The following ZNF804B variants were observed in gnomAD, a reference collection of about 807,000 sequenced individuals.
ZNF804B encodes zinc finger 804B.
Under a neutral mutation model 101.4 loss-of-function variants are expected in ZNF804B, and 80 were observed. The ratio of observed to expected loss-of-function variants is 0.79; its 90% CI spans 0.66 to 0.95. The LOEUF (loss-of-function observed/expected upper bound fraction) is 0.95, where lower values mean the gene tolerates loss of function less well. ZNF804B is among the 40% of genes least tolerant of loss of function. ZNF804B has a pLI of 0.00. For missense variants in ZNF804B, 1,673 were observed against 1,561.9 expected (o/e 1.07, Z -1.20); for synonymous variants, 622 against 558.8 (o/e 1.11, Z -1.59).
chr7:89,320,522 AT>A (rs1790803251), intron 2 of ZNF804B, among the ~76,000 whole-genome samples: 1 of 152,246 alleles, frequency 6.6e-6, no homozygotes, highest in Admixed American at 6.5e-5. Context: ...AGCACTTGTG[AT>A]ATTTAGCACA....
intron 1 of ZNF804B, among the ~76,000 whole-genome samples, chr7:89,128,610 T>A (rs1243331694): frequency 1.3e-5 from 2 of 152,004 alleles, no homozygotes; most frequent in African/African-American, 4.8e-5. Context: ...TATCAGCCAT[T>A]CTTTTGCTGT....
chr7:89,257,803 C>T (rs1027228517), intron 2 of ZNF804B, among the ~76,000 whole-genome samples: 1 of 152,064 alleles, frequency 6.6e-6, no homozygotes, highest in African/African-American at 2.4e-5. Flanking sequence ...CTGTTATTCC[C>T]TTCTTGTGTT....
At chr7:88,924,546 C>T (rs960950097) in intron 1 of ZNF804B, among the ~76,000 whole-genome samples, 1 of 152,080 alleles carries the variant, frequency 6.6e-6, no homozygotes. Flanking sequence ...TACCTCTATA[C>T]CCCCTGCATT....
intron 2 of ZNF804B, among the ~76,000 whole-genome samples, chr7:89,285,882 C>A (rs1213203692): frequency 6.9e-6 from 1 of 144,186 alleles, no homozygotes; most frequent in Non-Finnish European, 1.5e-5. Context: ...CCTCTTTTGC[C>A]TCTGTCACCC....
At chr7:89,150,158 C>G (rs1790851578) in intron 1 of ZNF804B, among the ~76,000 whole-genome samples, 1 of 151,966 alleles carries the variant, frequency 6.6e-6, no homozygotes. Flanking sequence ...GTTACCTGGC[C>G]TATTCAGCTG....
At chr7:88,792,948 C>G (rs1790402205) in intron 1 of ZNF804B, among the ~76,000 whole-genome samples, 1 of 151,448 alleles carries the variant, frequency 6.6e-6, no homozygotes, top group Non-Finnish European at 1.5e-5. Flanking sequence ...TTGTTACATA[C>G]AATTTGGTCA....
At chr7:89,025,773 A>G (rs565823225) in intron 1 of ZNF804B, among the ~76,000 whole-genome samples, 1 of 152,094 alleles carries the variant, frequency 6.6e-6, no homozygotes, top group African/African-American at 2.4e-5. Flanking sequence ...TTTTGTTTCC[A>G]CAGTGATTCA....
chr7:88,828,398 T>G (rs533689824), intron 1 of ZNF804B, among the ~76,000 whole-genome samples: 1 of 152,162 alleles, frequency 6.6e-6, no homozygotes, highest in South Asian at 2.1e-4. Flanking sequence ...TTCCTTCAGT[T>G]TAAGTGGAAG....
At chr7:89,175,134 G>GTTTGTGGGGTATTA (rs1554373811) in intron 1 of ZNF804B, among the ~76,000 whole-genome samples, 1 of 151,688 alleles carries the variant, frequency 6.6e-6, no homozygotes, top group African/African-American at 2.4e-5. Context: ...GGTTGCCTGT[G>GTTTGTGGGGTATTA]CTCAATAAAT....
At chr7:88,967,416 C>G (rs1336949022) in intron 1 of ZNF804B, among the ~76,000 whole-genome samples, 2 of 151,570 alleles carry the variant, frequency 1.3e-5, no homozygotes, top group East Asian at 3.9e-4. Flanking sequence ...CAATCATGTC[C>G]TACCAGGTCC....
intron 1 of ZNF804B, among the ~76,000 whole-genome samples, chr7:88,886,582 A>G (rs1248016285): frequency 6.6e-6 from 1 of 152,052 alleles, no homozygotes. Flanking sequence ...TATAACTAAT[A>G]ATGCATTATT....
intron 1 of ZNF804B, among the ~76,000 whole-genome samples, chr7:88,900,190 A>G (rs1046873076): frequency 2.0e-5 from 3 of 152,124 alleles, no homozygotes; most frequent in African/African-American, 7.2e-5. Flanking sequence ...AATTCATATG[A>G]TACAGCAATA....
intron 1 of ZNF804B, among the ~76,000 whole-genome samples, chr7:88,950,898 A>T (rs1793208209): frequency 6.8e-6 from 1 of 147,838 alleles, no homozygotes; most frequent in African/African-American, 2.5e-5. Flanking sequence ...GAACCTTAAA[A>T]GCCTCAAGAA....
rs760349578 is a variant in ZNF804B, at chr7:88,949,030, G to A, written c.108+188946G>A. Among the ~76,000 whole-genome samples, 7 of 151,026 alleles carry A rather than the reference G, an allele frequency of 4.6e-5. No homozygotes were observed. In the East Asian group the frequency reaches 5.9e-4, roughly 13 times the overall value. On this transcript the variant is annotated intron_variant, in intron 1 of 3. Transcript: ENST00000333190. ...TATGTGAAGTATGAGTTGAGAAAGC[G>A]TTGGTGTGTTTTTTTTTTAAATTAA...
chr7:88,845,287 GCGCGCA>G (rs1300012348), intron 1 of ZNF804B, among the ~76,000 whole-genome samples: 3 of 115,260 alleles, frequency 2.6e-5, no homozygotes, highest in Admixed American at 9.1e-5. Context: ...GCGCACGCGC[GCGCGCA>G]CGCGCGCGCA....
intron 1 of ZNF804B, among the ~76,000 whole-genome samples, chr7:89,085,817 T>C (rs1233014435): frequency 6.6e-6 from 1 of 152,004 alleles, no homozygotes; most frequent in African/African-American, 2.4e-5. Flanking sequence ...AATGGCTTTA[T>C]CATTTGGATT....
intron 1 of ZNF804B, among the ~76,000 whole-genome samples, chr7:89,041,479 G>A (rs1346354981): frequency 6.6e-6 from 1 of 152,066 alleles, no homozygotes; most frequent in African/African-American, 2.4e-5. Context: ...GGAGCCTGAG[G>A]CCATGAGGGC....
intron 1 of ZNF804B, among the ~76,000 whole-genome samples, chr7:88,994,970 C>T (rs1427100163): frequency 6.6e-6 from 1 of 152,012 alleles, no homozygotes; most frequent in Non-Finnish European, 1.5e-5. Context: ...TAAGAAACAT[C>T]AGATGGTCTG....
chr7:89,252,369 G>A (rs1237209372), intron 2 of ZNF804B, among the ~76,000 whole-genome samples: 1 of 151,914 alleles, frequency 6.6e-6, no homozygotes, highest in Non-Finnish European at 1.5e-5. Flanking sequence ...AAAGTAAAAA[G>A]CAAACAAACA....
Sources: gnomAD v4.1 joint callset for allele counts (sites outside exome capture counted in the v4.1 genomes callset) on GRCh38, gnomAD v4.1.1 for gene constraint, MANE v1.5 for transcripts, NCBI Gene and HGNC (gene_info 2026-07-23, HGNC 2026-07-21) for gene names.